EYA2: variants seen among roughly 807,000 people sequenced by gnomAD.
EYA2 encodes the protein EYA transcriptional coactivator and phosphatase 2, also known as protein phosphatase EYA2.
A neutral mutation model predicts 69.2 loss-of-function variants in EYA2; 31 were observed. That is an observed-to-expected ratio of 0.45 (90% CI 0.34 to 0.60). EYA2 has a LOEUF of 0.60. EYA2 is among the 20% of genes least tolerant of loss of function. The probability of loss-of-function intolerance (pLI) is 0.02; values close to 1 mark genes in which losing one functional copy is unlikely to be tolerated. For synonymous variants in EYA2, 257 were observed against 279.4 expected (o/e 0.92, Z 0.80); for missense variants, 622 against 701.2 (o/e 0.89, Z 1.28).
intron 1 of EYA2, among the ~76,000 whole-genome samples, chr20:46,937,345 G>C (rs1039980838): frequency 6.6e-6 from 1 of 152,200 alleles, no homozygotes; most frequent in Admixed American, 6.5e-5. Context: ...TCACTTCTCT[G>C]TGTCTCATCT....
chr20:47,146,095 A>G (rs1407321173), intron 10 of EYA2, among the ~76,000 whole-genome samples: 1 of 152,080 alleles, frequency 6.6e-6, no homozygotes, highest in African/African-American at 2.4e-5. Context: ...AGAGGTGGCA[A>G]GGACTCCTGG....
chr20:47,178,371 G>C (rs1197652001), intron 12 of EYA2, among the ~76,000 whole-genome samples: 1 of 151,478 alleles, frequency 6.6e-6, no homozygotes, highest in Non-Finnish European at 1.5e-5. Context: ...CAAATGCAGA[G>C]TGTGAAGGAT....
At chr20:47,142,476 G>GGCTGCCTA (rs2033616978) in intron 9 of EYA2, among the ~76,000 whole-genome samples, 1 of 152,224 alleles carries the variant, frequency 6.6e-6, no homozygotes, top group Admixed American at 6.5e-5. Flanking sequence ...TTTGTATAAT[G>GGCTGCCTA]GCTGCCTAGT....
chr20:46,899,997 G>A (rs1984015272), intron 1 of EYA2, among the ~76,000 whole-genome samples: 1 of 152,150 alleles, frequency 6.6e-6, no homozygotes, highest in Admixed American at 6.5e-5. Flanking sequence ...ATGTAATAGA[G>A]GTTAGAAACT....
At chr20:47,018,744 G>A (rs528403049) in intron 5 of EYA2, among the ~76,000 whole-genome samples, 11 of 152,336 alleles carry the variant, frequency 7.2e-5, no homozygotes, top group East Asian at 3.9e-4. Flanking sequence ...TACAGCAACC[G>A]CGTGAGGTGG....
intron 1 of EYA2, among the ~76,000 whole-genome samples, chr20:46,964,612 T>G (rs1261807157): frequency 1.3e-5 from 2 of 152,234 alleles, no homozygotes; most frequent in African/African-American, 4.8e-5. Context: ...GACTCTGATT[T>G]TAACACTTCC....
chr20:46,995,575 A>G (rs1853913512), intron 2 of EYA2, among the ~76,000 whole-genome samples: 1 of 152,194 alleles, frequency 6.6e-6, no homozygotes, highest in Admixed American at 6.5e-5. Context: ...CACACAAGGA[A>G]GATGAACTGA....
intron 9 of EYA2, among the ~76,000 whole-genome samples, chr20:47,116,473 C>T (rs1158788170): frequency 2.6e-5 from 4 of 152,110 alleles, no homozygotes; most frequent in Admixed American, 2.0e-4. Flanking sequence ...CCACTGCGCC[C>T]GGCCCACCAT....
chr20:47,116,984 A>C (rs2032911836), intron 9 of EYA2, among the ~76,000 whole-genome samples: 1 of 144,054 alleles, frequency 6.9e-6, no homozygotes, highest in Non-Finnish European at 1.5e-5. Flanking sequence ...CTCACTGAAC[A>C]TGCATCTGCA....
rs769001877 is a variant in EYA2 at position 47,122,973 on chromosome 20, C to T, written c.889-20086C>T. Among the ~76,000 whole-genome samples the T allele has an allele frequency of 4.6e-4, 70 of 152,184 alleles. 3 individuals are homozygous for T. Among genetic ancestry groups the T allele is most frequent in the Non-Finnish European group, 9.6e-4 (65 of 68,040 alleles). On this transcript the variant is annotated intron_variant, in intron 9 of 15. Transcript: ENST00000327619. ...ATCCAAAGACAGCTCCACTTCCTAG[C>T]CATGTGACCTCAGACAAGTCACTTT...
chr20:46,901,299 G>C (rs115448359), intron 1 of EYA2: 2 of 152,172 alleles, frequency 1.3e-5, no homozygotes, highest in Admixed American at 1.3e-4. Flanking sequence ...TGTTCCTTCT[G>C]GTCAGTTTCT....
At chr20:46,960,566 C>T (rs916587076) in intron 1 of EYA2, among the ~76,000 whole-genome samples, 1 of 152,144 alleles carries the variant, frequency 6.6e-6, no homozygotes, top group Non-Finnish European at 1.5e-5. Flanking sequence ...GGGCTCCCGT[C>T]GTCCAGCTCT....
At chr20:47,099,012 A>T (rs1363866022) in intron 9 of EYA2, among the ~76,000 whole-genome samples, 4 of 152,236 alleles carry the variant, frequency 2.6e-5, no homozygotes, top group Non-Finnish European at 5.9e-5. Context: ...CGAGTAATCT[A>T]TCTGGGAGGT....
At chr20:47,109,359 T>C (rs1023914606) in intron 9 of EYA2, among the ~76,000 whole-genome samples, 1 of 152,220 alleles carries the variant, frequency 6.6e-6, no homozygotes, top group Non-Finnish European at 1.5e-5. Context: ...ACGTAGGTAC[T>C]ACCAATGTGT....
chr20:46,976,459 C>T (rs1178872693), intron 1 of EYA2, among the ~76,000 whole-genome samples: 4 of 152,108 alleles, frequency 2.6e-5, no homozygotes, highest in Non-Finnish European at 5.9e-5. Flanking sequence ...GATCTAGGCT[C>T]ACTGCAAACT....
intron 12 of EYA2, among the ~76,000 whole-genome samples, chr20:47,175,741 G>A (rs1326212083): frequency 6.6e-6 from 1 of 152,170 alleles, no homozygotes; most frequent in African/African-American, 2.4e-5. Flanking sequence ...ACACAAGACA[G>A]CACGTTGGGA....
chr20:47,044,504 A>G (rs969993140), intron 5 of EYA2, among the ~76,000 whole-genome samples: 1 of 149,578 alleles, frequency 6.7e-6, no homozygotes, highest in African/African-American at 2.4e-5. Context: ...ATGAGGAACA[A>G]AGTAGAGTCT....
intron 1 of EYA2, among the ~76,000 whole-genome samples, chr20:46,918,243 C>A (rs1001681414): frequency 6.6e-6 from 1 of 151,948 alleles, no homozygotes; most frequent in Non-Finnish European, 1.5e-5. Flanking sequence ...ATGGCGTGAA[C>A]CCAGGAGGCG....
At chr20:47,023,535 A>C (rs897316715) in intron 5 of EYA2, among the ~76,000 whole-genome samples, 1 of 151,806 alleles carries the variant, frequency 6.6e-6, no homozygotes, top group African/African-American at 2.4e-5. Flanking sequence ...CAAGTTCATA[A>C]ATCTTTTCTT....
Sources: allele counts gnomAD v4.1 joint callset (sites outside exome capture counted in the v4.1 genomes callset), GRCh38; gene constraint gnomAD v4.1.1; transcripts MANE v1.5; gene names NCBI Gene and HGNC (gene_info 2026-07-23, HGNC 2026-07-21).